Variants in PEMT observed in about 807,000 individuals in gnomAD.
The protein encoded by PEMT is phosphatidylethanolamine N-methyltransferase, also known as phospholipid methyltransferase.
Under a neutral mutation model 27.4 loss-of-function variants are expected in PEMT, and 23 were observed. That is an observed-to-expected ratio of 0.84 (90% CI 0.60 to 1.19). PEMT has a LOEUF of 1.19. PEMT is among the 50% of genes most tolerant of loss of function. The pLI is 0.00. For synonymous variants in PEMT, 137 were observed against 139.1 expected, an observed-to-expected ratio of 0.98 and a Z score of 0.11; for missense variants, 307 against 310.1, an observed-to-expected ratio of 0.99 and a Z score of 0.07.
In PEMT at chr17:17,561,163, G is replaced by A. The variant is rs1240325222; in HGVS notation, c.204+15757C>T. 6.6e-6 allele frequency among the ~76,000 whole-genome samples: 1 copy of A among 152,112 alleles called. No individual in the cohort carries two copies. Among genetic ancestry groups the A allele is most frequent in the Non-Finnish European group, 1.5e-5 (1 of 68,034 alleles). On this transcript the variant is annotated intron_variant, in intron 2 of 6. Transcript: ENST00000255389. This position sits in a 1 kb window ranked among gnomAD's most constrained non-coding sequence, Gnocchi z 4.5. Reference sequence around the variant, plus strand: ...AACATTCACTGGGCACCGTGGGGCAGGGCCCAGAGGACAACAGCCACTCCC... The same window carrying A: ...AACATTCACTGGGCACCGTGGGGCAAGGCCCAGAGGACAACAGCCACTCCC...
chr17:17,506,596 C>T (rs1340386947), intron 5 of PEMT, among the ~76,000 whole-genome samples: 1 of 152,240 alleles, frequency 6.6e-6, no homozygotes, highest in Non-Finnish European at 1.5e-5. Flanking sequence ...CAGCCGCCAG[C>T]CCAGAGCTGG....
intron 2 of PEMT, among the ~76,000 whole-genome samples, chr17:17,547,855 G>A (rs527913175): frequency 2.0e-5 from 3 of 152,338 alleles, no homozygotes; most frequent in South Asian, 2.1e-4. Flanking sequence ...GCCAGAACAC[G>A]CTAGTGAGGG....
At chr17:17,545,002 G>C (rs981822571) in intron 2 of PEMT, among the ~76,000 whole-genome samples, 10 of 152,128 alleles carry the variant, frequency 6.6e-5, no homozygotes, top group African/African-American at 2.4e-4. Context: ...CCCGGGCCCG[G>C]GTTAACTTGG....
At chr17:17,535,394 C>T (rs949781946) in intron 2 of PEMT, among the ~76,000 whole-genome samples, 4 of 151,852 alleles carry the variant, frequency 2.6e-5, no homozygotes, top group Admixed American at 6.6e-5. Flanking sequence ...GGCGAAACCC[C>T]GTCTCTACTA....
In PEMT at chr17:17,538,144, C is replaced by T. The variant is rs1393034948; in HGVS notation, c.205-15749G>A. Among the ~76,000 whole-genome samples the T allele has an allele frequency of 2.6e-5, 4 of 152,190 alleles. No individual in the cohort carries two copies. In the East Asian group the frequency reaches 5.8e-4, roughly 22 times the overall value. ...CCCAGCCCTCAGTGACCTGCAGGCC[C>T]CACGATGGTAGAGGGAGGGTGCTAA... is the stretch of plus-strand genomic sequence containing the variant. On this transcript the variant is annotated intron_variant, in intron 2 of 6. Transcript: ENST00000255389.
intron 2 of PEMT, among the ~76,000 whole-genome samples, chr17:17,552,060 G>C (rs150502121): frequency 0.029 from 4,455 of 152,222 alleles, 242 homozygotes; most frequent in African/African-American, 0.1. Flanking sequence ...AAATTAGTCA[G>C]GCACGGTGGT....
intron 1 of PEMT, among the ~76,000 whole-genome samples, chr17:17,590,459 G>A (rs796437679): frequency 6.6e-6 from 1 of 152,172 alleles, no homozygotes; most frequent in Non-Finnish European, 1.5e-5. Flanking sequence ...TTTCAATCCC[G>A]CCTTCCCATC....
chr17:17,509,615 C>A (rs1906197777), intron 4 of PEMT, 70 bp from the exon 5 acceptor site: 10 of 1,110,182 alleles, frequency 9.0e-6, no homozygotes, highest in Non-Finnish European at 1.4e-5. Context: ...TGAGGGAGGC[C>A]CCAGAGCGGG....
chr17:17,557,528 A>G (rs1194577675), intron 2 of PEMT, among the ~76,000 whole-genome samples: 2 of 152,198 alleles, frequency 1.3e-5, no homozygotes, highest in Admixed American at 1.3e-4. Context: ...GGTAATGAGG[A>G]TGCCTAAGCA....
rs113070484 is a variant in PEMT at position 17,524,999 on chromosome 17, C to T, written c.205-2604G>A. On this transcript the variant is annotated intron_variant, in intron 2 of 6. Transcript: ENST00000255389. ...GGTGTGCATCTGTAGTTCAGCTACT[C>T]GGGAGGCTGAGGCAGAAGAATTGCT... Among the ~76,000 whole-genome samples, 635 of 152,090 alleles carry T rather than the reference C, an allele frequency of 4.2e-3. 7 individuals are homozygous for T. Among genetic ancestry groups the T allele is most frequent in the African/African-American group, 0.014 (586 of 41,478 alleles).
intron 2 of PEMT, among the ~76,000 whole-genome samples, chr17:17,569,392 G>A (rs1363364274): frequency 3.3e-5 from 5 of 152,160 alleles, no homozygotes; most frequent in Non-Finnish European, 5.9e-5. Flanking sequence ...CAGAGGGGAG[G>A]AGCTGCACAC....
intron 1 of PEMT, among the ~76,000 whole-genome samples, chr17:17,579,638 C>T (rs1911860833): frequency 6.6e-6 from 1 of 152,162 alleles, no homozygotes; most frequent in African/African-American, 2.4e-5. Flanking sequence ...AGATGCGCCA[C>T]TGCACTCCAC....
chr17:17,545,954 ATC>A, intron 2 of PEMT, among the ~76,000 whole-genome samples: 1 of 152,206 alleles, frequency 6.6e-6, no homozygotes, highest in East Asian at 1.9e-4. Context: ...TCCTGCTAAA[ATC>A]TCTTTCCTTC....
At chr17:17,591,845 C>T (rs570719735), upstream of PEMT, 22 of 1,377,030 alleles carry the variant, frequency 1.6e-5, no homozygotes, top group African/African-American at 2.8e-4. Flanking sequence ...ACTACAAGTC[C>T]CAGTGTGTTT....
rs1458444562 is a variant in PEMT at position 17,523,742 on chromosome 17, G to T, written c.205-1347C>A. Among the ~76,000 whole-genome samples the T allele has an allele frequency of 6.6e-6, 1 of 152,166 alleles. No individual in the cohort carries two copies. The highest frequency in any genetic ancestry group is 1.5e-5 in the Non-Finnish European group (1 of 68,036). ...TTGCTGGGAATGTGTGGGGTGGGGT[G>T]GGGGCAGAAGAGGAGCAGTCTGCAG... On this transcript the variant is annotated intron_variant, in intron 2 of 6. Coordinates refer to ENST00000255389, the MANE Select transcript of PEMT (RefSeq NM_148172.3). The surrounding 1 kb of genome is among the most constrained non-coding windows in gnomAD (Gnocchi z 4.8).
chr17:17,559,969 C>T (rs1910354721), intron 2 of PEMT, among the ~76,000 whole-genome samples: 1 of 152,214 alleles, frequency 6.6e-6, no homozygotes, highest in Non-Finnish European at 1.5e-5. Flanking sequence ...GCCTCTGAGG[C>T]CTACCGGCTA....
intron 2 of PEMT, among the ~76,000 whole-genome samples, chr17:17,526,740 A>T (rs1907698434): frequency 6.6e-6 from 1 of 152,152 alleles, no homozygotes; most frequent in Admixed American, 6.5e-5. Flanking sequence ...GTGTCCTTGG[A>T]CTCAGAGGTT....
At chr17:17,584,482 T>C (rs1912139833) in intron 1 of PEMT, among the ~76,000 whole-genome samples, 1 of 152,044 alleles carries the variant, frequency 6.6e-6, no homozygotes, top group Non-Finnish European at 1.5e-5. Flanking sequence ...AATTTTTTTT[T>C]ATTTTGTAGA....
chr17:17,514,853 T>C (rs1906700498), intron 3 of PEMT, among the ~76,000 whole-genome samples: 1 of 152,168 alleles, frequency 6.6e-6, no homozygotes, highest in Admixed American at 6.5e-5. Flanking sequence ...GCTCCTTGGC[T>C]GCCACTGCAG....
Sources: gnomAD v4.1 joint callset for allele counts (sites outside exome capture counted in the v4.1 genomes callset) on GRCh38, gnomAD v4.1.1 for gene constraint, Gnocchi (gnomAD v3.1) non-coding constraint, MANE v1.5 for transcripts, NCBI Gene and HGNC (gene_info 2026-07-23, HGNC 2026-07-21) for gene names.